ADAMTSL3: variants seen among roughly 807,000 people sequenced by gnomAD.
ADAMTSL3 encodes ADAMTS like 3, also known as ADAMTS-like protein 3.
In ADAMTSL3, 128 loss-of-function variants were observed where a neutral mutation model predicts 201.7. The observed-to-expected ratio is 0.63, with a 90% CI of 0.55 to 0.73. The LOEUF (loss-of-function observed/expected upper bound fraction) is 0.73, where lower values mean the gene tolerates loss of function less well. ADAMTSL3 is among the 30% of genes least tolerant of loss of function. The probability of loss-of-function intolerance (pLI) is 0.00; values close to 1 mark genes in which losing one functional copy is unlikely to be tolerated. For synonymous variants in ADAMTSL3, 738 were observed against 748.4 expected (o/e 0.99, Z 0.23); for missense variants, 1,990 against 2,119.6 (o/e 0.94, Z 1.20).
chr15:83,693,924 C>G (rs2061646176), intron 2 of ADAMTSL3, among the ~76,000 whole-genome samples: 1 of 152,150 alleles, frequency 6.6e-6, no homozygotes, highest in Non-Finnish European at 1.5e-5. Flanking sequence ...TTGAGATTCT[C>G]CCCCCGCAAC....
intron 25 of ADAMTSL3, among the ~76,000 whole-genome samples, chr15:84,019,382 G>A (rs143054638): frequency 6.6e-6 from 1 of 151,606 alleles, no homozygotes; most frequent in African/African-American, 2.4e-5. Flanking sequence ...CGACCTAGCA[G>A]TTTCACTCAC....
At chr15:83,782,917 T>G (rs890091318) in intron 4 of ADAMTSL3, among the ~76,000 whole-genome samples, 8 of 147,456 alleles carry the variant, frequency 5.4e-5, no homozygotes, top group African/African-American at 2.0e-4. Flanking sequence ...ATAGCGTATA[T>G]ATATATATAT....
At chr15:83,760,133 A>G (rs1393798854) in intron 3 of ADAMTSL3, among the ~76,000 whole-genome samples, 1 of 151,994 alleles carries the variant, frequency 6.6e-6, no homozygotes, top group East Asian at 1.9e-4. Context: ...ATAGTTTAAG[A>G]TCATTGATTT....
chr15:83,991,321 C>A, intron 23 of ADAMTSL3, 107 bp downstream of exon 23: 2 of 1,509,010 alleles, frequency 1.3e-6, no homozygotes, highest in Non-Finnish European at 1.8e-6. Context: ...GAGACCTCAG[C>A]CTGATAGGCT....
intron 13 of ADAMTSL3, among the ~76,000 whole-genome samples, chr15:83,896,076 A>C (rs1447650856): frequency 6.6e-6 from 1 of 152,218 alleles, no homozygotes; most frequent in Non-Finnish European, 1.5e-5. Flanking sequence ...TGGCTTTGGC[A>C]ATAGATGGCT....
At chr15:84,011,472 G>T (rs546587156) in intron 23 of ADAMTSL3, among the ~76,000 whole-genome samples, 88 of 152,310 alleles carry the variant, frequency 5.8e-4, no homozygotes, top group African/African-American at 2.0e-3. Context: ...TGGAGGATGG[G>T]AAGTCCAAGA....
At chr15:83,919,455 T>G (rs956268399) in intron 16 of ADAMTSL3, among the ~76,000 whole-genome samples, 1 of 152,146 alleles carries the variant, frequency 6.6e-6, no homozygotes, top group Non-Finnish European at 1.5e-5. Flanking sequence ...GGTTCAGCAC[T>G]GGTACTGGGT....
intron 4 of ADAMTSL3, among the ~76,000 whole-genome samples, chr15:83,774,034 A>T (rs185617452): frequency 6.6e-6 from 1 of 152,372 alleles, no homozygotes; most frequent in Admixed American, 6.5e-5. Context: ...GATTAGGAAC[A>T]TGATGCAAGT....
At chr15:83,772,813 C>G (rs991981904) in intron 3 of ADAMTSL3, among the ~76,000 whole-genome samples, 2 of 151,360 alleles carry the variant, frequency 1.3e-5, no homozygotes, top group South Asian at 4.2e-4. Context: ...TCAAGTGATT[C>G]TCCTGCTTTG....
chr15:83,720,597 T>G (rs755027664), intron 3 of ADAMTSL3, among the ~76,000 whole-genome samples: 10 of 152,218 alleles, frequency 6.6e-5, no homozygotes, highest in Non-Finnish European at 1.5e-4. Flanking sequence ...AAAAGGTTTT[T>G]AGAATTTTCA....
In ADAMTSL3 at chr15:83,874,109, C is replaced by G. The variant is rs562981590; in HGVS notation, c.960+3150C>G. ...TCTAGTGTCCTCAGGAGGATGTGCA[C>G]CACAGGGCATGTCCAGCCAGGATGT... On this transcript the variant is annotated intron_variant, in intron 9 of 29. Coordinates refer to ENST00000286744, the MANE Select transcript of ADAMTSL3 (RefSeq NM_207517.3). Among the ~76,000 whole-genome samples the G allele has an allele frequency of 3.0e-4, 43 of 144,940 alleles. 2 individuals carry two copies. The South Asian group carries it at 6.8e-3, about 23-fold the overall frequency.
rs2062369172 is a variant in ADAMTSL3, at chr15:83,736,344, A to G, written c.189+31836A>G. On this transcript the variant is annotated intron_variant, in intron 3 of 29. Coordinates refer to ENST00000286744, the MANE Select transcript of ADAMTSL3 (RefSeq NM_207517.3). ...AAGACAAGACACGGACTTTGGATCA[A>G]GATGACAGCTAATAATTCTGCATCT... 2.6e-5 allele frequency among the ~76,000 whole-genome samples: 4 copies of G among 152,356 alleles called. No individual in the cohort carries two copies. In the South Asian group the frequency reaches 8.3e-4, roughly 32 times the overall value.
chr15:84,031,202 T>C, intron 27 of ADAMTSL3, 133 bp from the exon 28 acceptor site: 2 of 825,396 alleles, frequency 2.4e-6, no homozygotes, highest in South Asian at 1.6e-5. Flanking sequence ...CCTCTTTAAC[T>C]CCCCCCTGGG....
At chr15:83,676,583 C>G (rs556969817) in intron 2 of ADAMTSL3, among the ~76,000 whole-genome samples, 57 of 152,244 alleles carry the variant, frequency 3.7e-4, no homozygotes, top group Non-Finnish European at 6.9e-4. Context: ...GAGGCTGAGG[C>G]AGGAGAATGG....
intron 4 of ADAMTSL3, among the ~76,000 whole-genome samples, chr15:83,790,745 C>A (rs546342287): frequency 6.6e-6 from 1 of 152,060 alleles, no homozygotes; most frequent in African/African-American, 2.4e-5. Flanking sequence ...TTTTTGTCTA[C>A]GTAGAAAATC....
intron 21 of ADAMTSL3, among the ~76,000 whole-genome samples, chr15:83,983,885 A>G (rs146057803): frequency 2.0e-3 from 301 of 152,242 alleles, no homozygotes; most frequent in Admixed American, 3.4e-3. Flanking sequence ...TTGAATACCC[A>G]CCAGTGGTAT....
chr15:83,876,143 A>G (rs937016486), intron 9 of ADAMTSL3, among the ~76,000 whole-genome samples: 2 of 152,156 alleles, frequency 1.3e-5, no homozygotes, highest in African/African-American at 4.8e-5. Context: ...AGCTCTTCAA[A>G]TGTAATCATG....
chr15:83,819,775 G>C, intron 5 of ADAMTSL3, 36 bp from the exon 6 acceptor site: 1 of 1,525,890 alleles, frequency 6.6e-7, no homozygotes, highest in African/African-American at 1.4e-5. Context: ...TCTCTCACTG[G>C]GTGATGTGCA....
chr15:83,776,838 A>T (rs929322443), intron 4 of ADAMTSL3, among the ~76,000 whole-genome samples: 13 of 152,378 alleles, frequency 8.5e-5, no homozygotes, highest in Admixed American at 2.0e-4. Flanking sequence ...GGGAAGGGTT[A>T]TGAGACCAAA....
Sources: allele counts gnomAD v4.1 joint callset (sites outside exome capture counted in the v4.1 genomes callset), GRCh38; gene constraint gnomAD v4.1.1; transcripts MANE v1.5; gene names NCBI Gene and HGNC (gene_info 2026-07-23, HGNC 2026-07-21).